HEPACAM: variants seen among roughly 807,000 people sequenced by gnomAD.
HEPACAM encodes hepatic and glial cell adhesion molecule.
In HEPACAM, 18 loss-of-function variants were observed where a neutral mutation model predicts 38.3. The observed-to-expected ratio is 0.47, with a 90% CI of 0.33 to 0.70. HEPACAM has a LOEUF of 0.70. Among genes scored for constraint, HEPACAM ranks in the 30% least tolerant of loss-of-function variants. The pLI, the probability that HEPACAM is intolerant of heterozygous loss-of-function variation, is 0.03. For missense variants in HEPACAM, 466 were observed against 563.0 expected, an observed-to-expected ratio of 0.83 and a Z score of 1.74; for synonymous variants, 216 against 243.1, an observed-to-expected ratio of 0.89 and a Z score of 1.04.
In HEPACAM at chr11:124,923,835, C is replaced by G. The variant is rs772301837; in HGVS notation, c.603G>C (p.Val201=). ...SRMLLSPDQK[V]LTITRVLMED... is the part of the protein sequence containing the mutation. ...CCATGAGCACGCGGGTGATGGTGAG[C>G]ACCTTTTGGTCGGGGGACAGGAGCA... The change falls in exon 3 of 7, where the codon GTG becomes GTC. Residue 201 remains valine (V), a synonymous_variant. Transcript: ENST00000298251. 6.2e-7 allele frequency: 1 copy of G among 1,614,186 alleles called. No homozygotes were observed. Among genetic ancestry groups the G allele is most frequent in the East Asian group, 2.2e-5 (1 of 44,880 alleles).
At chr11:124,931,518 C>G (rs1947280741) in intron 1 of HEPACAM, among the ~76,000 whole-genome samples, 1 of 152,156 alleles carries the variant, frequency 6.6e-6, no homozygotes, top group African/African-American at 2.4e-5. Context: ...AAACCAGAAT[C>G]TGATACCAGT....
intron 1 of HEPACAM, among the ~76,000 whole-genome samples, chr11:124,934,420 G>C (rs1192028810): frequency 6.6e-6 from 1 of 150,856 alleles, no homozygotes; most frequent in Non-Finnish European, 1.5e-5. Flanking sequence ...TTGGCAATGG[G>C]GTCACTGCAG....
Position 124,924,876 on chromosome 11 carries a change from A to G in HEPACAM, c.279T>C (p.Pro93=). The G allele has an allele frequency of 6.2e-7, 1 of 1,614,196 alleles. No individual in the cohort carries two copies. The change falls in exon 2 of 7, where the codon CCT becomes CCC. Residue 93 remains proline, a synonymous_variant. Transcript: ENST00000298251. This position sits in a 1 kb window ranked among gnomAD's most constrained non-coding sequence, Gnocchi z 4.4. ...AGAGTCGGATACGGTCTCGATAGTCAGGCCGCAGGGTGCCGATGACCTCTG... is the reference window on the plus strand; with the variant it reads ...AGAGTCGGATACGGTCTCGATAGTCGGGCCGCAGGGTGCCGATGACCTCTG... ...IGTEVIGTLR[P]DYRDRIRLFE... is the part of the protein sequence containing the mutation.
At chr11:124,926,880 T>G (rs1947218306) in intron 1 of HEPACAM, among the ~76,000 whole-genome samples, 1 of 152,110 alleles carries the variant, frequency 6.6e-6, no homozygotes, top group Non-Finnish European at 1.5e-5. Flanking sequence ...AAAAAAATTT[T>G]TTTTTTGAGA....
Position 124,923,928 on chromosome 11 carries a change from A to G in HEPACAM, c.510T>C (p.His170=), listed in dbSNP as rs750579621. Residue 170 remains histidine (H), a synonymous_variant, in exon 3 of 7, where the codon CAT becomes CAC. Transcript: ENST00000298251. ...TGTAGCTGGGCTTGGTGCCATTCTC[A>G]TGTGAGCAGTTCAAGGTGAAGGCCT... is the stretch of plus-strand genomic sequence containing the variant. ...LSEAFTLNCS[H]ENGTKPSYTW... is the part of the protein sequence containing the mutation. The G allele has an allele frequency of 1.2e-6, 2 of 1,612,212 alleles. No homozygotes were observed. The highest frequency in any genetic ancestry group is 3.3e-5 in the Admixed American group (2 of 60,014).
intron 1 of HEPACAM, among the ~76,000 whole-genome samples, chr11:124,931,322 C>T (rs541621105): frequency 1.3e-5 from 2 of 152,216 alleles, no homozygotes; most frequent in East Asian, 3.9e-4. Flanking sequence ...ATTCTCTTGT[C>T]TCAACCTCCC....
At chr11:124,922,319 C>T in intron 6 of HEPACAM, 69 bp downstream of exon 6, 1 of 1,426,888 alleles carries the variant, frequency 7.0e-7, no homozygotes, top group Non-Finnish European at 9.9e-7. Flanking sequence ...TATAGTATGG[C>T]TCCCTAGCAT....
Position 124,920,774 on chromosome 11 carries a change from T to C in HEPACAM, c.*364A>G. The C allele has an allele frequency of 1.9e-6, 2 of 1,039,962 alleles. No individual in the cohort carries two copies. The highest frequency in any genetic ancestry group is 2.3e-6 in the Non-Finnish European group (2 of 868,162). 64.4% of individuals were successfully genotyped at this position (1,039,962 alleles called of 1,614,324 possible). On this transcript the variant is annotated 3_prime_UTR_variant, in exon 7 of 7. Transcript: ENST00000298251. ...GTGGGTGGGAAACAACACAGCTCCC[T>C]AGGAAGAGCACAGGATAGTCACGGG...
intron 1 of HEPACAM, 29 bp from the exon 2 acceptor site, chr11:124,925,098 G>A (rs941466283): frequency 1.3e-6 from 2 of 1,541,172 alleles, no homozygotes; most frequent in African/African-American, 2.7e-5. Context: ...GAGGAAGAGG[G>A]AAGCATCAGG....
Position 124,924,221 on chromosome 11 carries a change from C to T in HEPACAM, c.428-211G>A, listed in dbSNP as rs188129131. On this transcript the variant is annotated intron_variant, in intron 2 of 6. Coordinates refer to ENST00000298251, the MANE Select transcript of HEPACAM (RefSeq NM_152722.5). The surrounding 1 kb of genome is among the most constrained non-coding windows in gnomAD (Gnocchi z 4.4). ...TTTATGGAGCACCAATTAGGCATGG[C>T]GGGTACAATGCTGAACAATGCAGAC... Among the ~76,000 whole-genome samples the T allele has an allele frequency of 1.6e-4, 24 of 152,302 alleles. 1 individual carries two copies. Among genetic ancestry groups the T allele is most frequent in the Admixed American group, 9.8e-4 (15 of 15,302 alleles).
rs10893303 is a variant in HEPACAM, at chr11:124,921,026, C to G, written c.*112G>C. ...TTCACACCCGAGACACCAGCGCCCC[C>G]CCGGGACCTCCCCTCGTCCCCAGCG... On this transcript the variant is annotated 3_prime_UTR_variant, in exon 7 of 7. Coordinates refer to ENST00000298251, the MANE Select transcript of HEPACAM (RefSeq NM_152722.5). This position sits in a 1 kb window ranked among gnomAD's most constrained non-coding sequence, Gnocchi z 4.6. The G allele has an allele frequency of 5.9e-4, 833 of 1,400,708 alleles. 4 individuals carry two copies. In the African/African-American group the frequency reaches 0.01, roughly 17 times the overall value. 86.8% of individuals were successfully genotyped at this position (1,400,708 alleles called of 1,614,324 possible). A position where few individuals can be genotyped will look rare whatever the true frequency, so the allele number is the denominator to read the frequency against.
At chr11:124,930,179 C>T (rs551171747) in intron 1 of HEPACAM, among the ~76,000 whole-genome samples, 1 of 152,304 alleles carries the variant, frequency 6.6e-6, no homozygotes, top group East Asian at 1.9e-4. Context: ...AATCCAAGGG[C>T]AGAACACCTC....
In HEPACAM at chr11:124,924,650, G is replaced by C. The variant is rs572243666; in HGVS notation, c.427+78C>G. The C allele has an allele frequency of 7.3e-7, 1 of 1,361,890 alleles. No homozygotes were observed. 84.4% of individuals were successfully genotyped at this position (1,361,890 alleles called of 1,614,324 possible). A position where few individuals can be genotyped will look rare whatever the true frequency, so the allele number is the denominator to read the frequency against. The stretch of plus-strand genomic sequence containing the variant: ...TGCCTTTTGGGTTGGTTTTCCCTCA[G>C]TCTAGCTGGTGCGCTGGGCAGACCT... On this transcript the variant is annotated intron_variant, in intron 2 of 6. Coordinates refer to ENST00000298251, the MANE Select transcript of HEPACAM (RefSeq NM_152722.5). The surrounding 1 kb of genome is among the most constrained non-coding windows in gnomAD (Gnocchi z 4.4).
At position 124,924,469 on chromosome 11, in the gene HEPACAM, A is replaced by G; in HGVS notation, c.427+259T>C. 1 of 550,568 alleles carries G rather than the reference A, an allele frequency of 1.8e-6. No homozygotes were observed. The highest frequency in any genetic ancestry group is 2.0e-5 in the South Asian group (1 of 49,710). The allele number at this position is 550,568 out of a possible 1,614,324, so 34.1% of individuals were successfully genotyped here. A position where few individuals can be genotyped will look rare whatever the true frequency, so the allele number is the denominator to read the frequency against. On this transcript the variant is annotated intron_variant, in intron 2 of 6. Coordinates refer to ENST00000298251, the MANE Select transcript of HEPACAM (RefSeq NM_152722.5). The surrounding 1 kb of genome is among the most constrained non-coding windows in gnomAD (Gnocchi z 4.4). ...TCATCTGCAAAATTAGGATAATGATATGAACTATCACCAGACTATTATAAG... is the reference window on the plus strand; with the variant it reads ...TCATCTGCAAAATTAGGATAATGATGTGAACTATCACCAGACTATTATAAG...
At position 124,921,172 on chromosome 11, in the gene HEPACAM, T is replaced by C; in HGVS notation, c.1217A>G (p.Gln406Arg). Residue 406 changes from glutamine to arginine, a missense_variant, in exon 7 of 7, where the codon CAA becomes CGA. By Grantham distance (43) the Gln-to-Arg change is conservative (BLOSUM62 1). Transcript: ENST00000298251. This position sits in a 1 kb window ranked among gnomAD's most constrained non-coding sequence, Gnocchi z 4.6. ...GATCTCCACCGGGCCGGCCTCGTCT[T>C]GCTCGCGGATTATGTGCACGCCCGC... ...RTAGVHIIRE[Q>R]DEAGPVEISA is the part of the protein sequence containing the mutation. The C allele has an allele frequency of 6.5e-7, 1 of 1,528,016 alleles. No homozygotes were observed. Among genetic ancestry groups the C allele is most frequent in the Non-Finnish European group, 8.7e-7 (1 of 1,144,584 alleles). The allele number at this position is 1,528,016 out of a possible 1,614,324, so 94.7% of individuals were successfully genotyped here.
chr11:124,923,346 GA>G lies in HEPACAM; in HGVS notation c.796del (p.Ser266ProfsTer8). 6.2e-7 allele frequency: 1 copy of G among 1,609,538 alleles called. No homozygotes were observed. Among genetic ancestry groups the G allele is most frequent in the Non-Finnish European group, 8.5e-7 (1 of 1,175,956 alleles). ...LVTVCACWKP[S>X]KRKQKKLEKQ... ...TCAGGAGAGTTACCCAGACCTTTTG[GA>G]GGGTTTCCAGCAGGCACAGACTGTC... On this transcript the variant is annotated frameshift_variant, in exon 4 of 7. Coordinates refer to ENST00000298251, the MANE Select transcript of HEPACAM (RefSeq NM_152722.5). LOFTEE classifies it high-confidence loss of function.
Position 124,919,967 on chromosome 11 carries a change from C to A in HEPACAM, c.*1171G>T, listed in dbSNP as rs1360590487. On this transcript the variant is annotated 3_prime_UTR_variant, in exon 7 of 7. Coordinates refer to ENST00000298251, the MANE Select transcript of HEPACAM (RefSeq NM_152722.5). Reference sequence around the variant, plus strand: ...ACTGTTCAATAGGCGGTGGCATGGGCATGTCCTGGCTACACAGCGGCCCAG... The same window carrying A: ...ACTGTTCAATAGGCGGTGGCATGGGAATGTCCTGGCTACACAGCGGCCCAG... The A allele has an allele frequency of 2.5e-6, 4 of 1,613,624 alleles. No individual in the cohort carries two copies. The highest frequency in any genetic ancestry group is 3.4e-6 in the Non-Finnish European group (4 of 1,180,024).
chr11:124,934,400 G>C (rs1947317758), intron 1 of HEPACAM, among the ~76,000 whole-genome samples: 2 of 151,632 alleles, frequency 1.3e-5, no homozygotes, highest in South Asian at 4.2e-4. Context: ...ACCTCAGAAT[G>C]TGAACTTATT....
At chr11:124,922,270 C>G in intron 6 of HEPACAM, 118 bp downstream of exon 6, 1 of 1,132,164 alleles carries the variant, frequency 8.8e-7, no homozygotes, top group Non-Finnish European at 1.4e-6. Context: ...GTCCCTGGTG[C>G]CAAAACCGTT....
Sources: gnomAD v4.1 joint callset for allele counts (sites outside exome capture counted in the v4.1 genomes callset) on GRCh38, gnomAD v4.1.1 for gene constraint, Gnocchi (gnomAD v3.1) non-coding constraint, MANE v1.5 for transcripts, NCBI Gene and HGNC (gene_info 2026-07-23, HGNC 2026-07-21) for gene names.